The following CP variants were observed in gnomAD, a reference collection of about 807,000 sequenced individuals.
CP encodes ceruloplasmin.
CP carries 64 observed loss-of-function variants against 122.4 expected under a neutral mutation model. The observed-to-expected ratio is 0.52, with a 90% CI of 0.43 to 0.64. The LOEUF (loss-of-function observed/expected upper bound fraction) is 0.64, where lower values mean the gene tolerates loss of function less well. Among genes scored for constraint, CP ranks in the 30% least tolerant of loss-of-function variants. The pLI is 0.00. For missense variants in CP, 1,167 were observed against 1,284.4 expected, an observed-to-expected ratio of 0.91 and a Z score of 1.40; for synonymous variants, 440 against 436.4, an observed-to-expected ratio of 1.01 and a Z score of -0.10.
At chr3:149,201,313 T>G (rs374083994) in intron 7 of CP, among the ~76,000 whole-genome samples, 1 of 151,488 alleles carries the variant, frequency 6.6e-6, no homozygotes, top group East Asian at 2.0e-4. Flanking sequence ...TAGTAGAGAC[T>G]GGTTTCACCG....
At chr3:149,186,958 A>G (rs992801980) in intron 10 of CP, among the ~76,000 whole-genome samples, 2 of 152,198 alleles carry the variant, frequency 1.3e-5, no homozygotes, top group African/African-American at 2.4e-5. Flanking sequence ...TTCTTGTTCT[A>G]TGCTAGTGTC....
At chr3:149,175,537 T>A (rs1362430660) in intron 18 of CP, among the ~76,000 whole-genome samples, 2 of 152,160 alleles carry the variant, frequency 1.3e-5, no homozygotes. Flanking sequence ...TTTACATAAT[T>A]TCCTCCCTTT....
intron 18 of CP, among the ~76,000 whole-genome samples, chr3:149,175,761 C>T (rs1027533433): frequency 4.6e-5 from 7 of 151,442 alleles, no homozygotes; most frequent in Non-Finnish European, 1.0e-4. Context: ...TTCCCTGGAT[C>T]TTTCACAAAC....
At chr3:149,185,630 C>G (rs1726117328) in intron 11 of CP, among the ~76,000 whole-genome samples, 184 bp from the exon 12 acceptor site, 1 of 152,088 alleles carries the variant, frequency 6.6e-6, no homozygotes, top group Non-Finnish European at 1.5e-5. Flanking sequence ...TGTGTGCCTG[C>G]CTTGGGAACT....
At position 149,178,576 on chromosome 3, in the gene CP, T is replaced by C; in HGVS notation, c.2717A>G (p.Lys906Arg). ...PLIVCRRPYL[K>R]VFNPRRKLEF... Reference sequence around the variant, plus strand: ...CAGTTTCCTTCTGGGATTGAATACTTTCAAGTAAGGTCTTCGACAAACAAT... The same window carrying C: ...CAGTTTCCTTCTGGGATTGAATACTCTCAAGTAAGGTCTTCGACAAACAAT... The change falls in exon 16 of 19, where the codon AAA (lysine) becomes AGA (arginine). Residue 906 changes from lysine (K) to arginine (R), a missense_variant. By Grantham distance (26) the Lys-to-Arg change is conservative. Transcript: ENST00000264613. The C allele has an allele frequency of 6.2e-7, 1 of 1,613,678 alleles. No individual in the cohort carries two copies. Among genetic ancestry groups the C allele is most frequent in the Non-Finnish European group, 8.5e-7 (1 of 1,179,712 alleles).
At chr3:149,210,851 C>T (rs1031996863) in intron 2 of CP, among the ~76,000 whole-genome samples, 7 of 152,158 alleles carry the variant, frequency 4.6e-5, no homozygotes, top group South Asian at 2.1e-4. Flanking sequence ...TAACAATGAT[C>T]GACTCAAGGC....
intron 18 of CP, among the ~76,000 whole-genome samples, chr3:149,175,691 A>G (rs2108208982): frequency 1.2e-5 from 1 of 80,916 alleles, no homozygotes; most frequent in South Asian, 3.7e-4. Flanking sequence ...GTGTGTGTGT[A>G]CCTACACATG....
chr3:149,206,415 G>A (rs1727731196), intron 5 of CP, 76 bp from the exon 6 acceptor site: 18 of 1,525,566 alleles, frequency 1.2e-5, no homozygotes, highest in Middle Eastern at 1.7e-4. Context: ...AACACTGCTC[G>A]GGTGATGACA....
chr3:149,163,822 GA>G lies in CP; in HGVS notation c.*14-948del. 7.6e-7 allele frequency: 1 copy of G among 1,317,936 alleles called. No homozygotes were observed. The highest frequency in any genetic ancestry group is 1.1e-6 in the Non-Finnish European group (1 of 910,576). The allele number at this position is 1,317,936 out of a possible 1,614,324, so 81.6% of individuals were successfully genotyped here. A position where few individuals can be genotyped will look rare whatever the true frequency, so the allele number is the denominator to read the frequency against. On this transcript the variant is annotated intron_variant, in intron 5 of 5. Transcript: ENST00000479771. ...TTTTGTTGTTATATTTTGTTTATGAGAAATTCTTTTATGTTTTAGATAAATG... is the reference window on the plus strand; with the variant it reads ...TTTTGTTGTTATATTTTGTTTATGAGAATTCTTTTATGTTTTAGATAAATG...
intron 2 of CP, 114 bp downstream of exon 2, chr3:149,212,337 G>T (rs1414453122): frequency 2.5e-5 from 27 of 1,084,312 alleles, no homozygotes; most frequent in Non-Finnish European, 3.3e-5. Context: ...AAATAGTTAA[G>T]AGCTGAATGG....
At chr3:149,203,658 A>G (rs758251432) in intron 6 of CP, among the ~76,000 whole-genome samples, 1 of 152,210 alleles carries the variant, frequency 6.6e-6, no homozygotes, top group Non-Finnish European at 1.5e-5. Flanking sequence ...AAATTTCAGA[A>G]AGGTAATTAT....
intron 5 of CP, among the ~76,000 whole-genome samples, chr3:149,165,765 C>T (rs1178632345): frequency 6.6e-6 from 1 of 152,162 alleles, no homozygotes; most frequent in African/African-American, 2.4e-5. Flanking sequence ...CTACTGCCCC[C>T]ACTCCCTTCC....
At chr3:149,218,505 C>T (rs1386921827) in intron 1 of CP, among the ~76,000 whole-genome samples, 1 of 151,896 alleles carries the variant, frequency 6.6e-6, no homozygotes, top group East Asian at 1.9e-4. Flanking sequence ...TTTTTAGTCC[C>T]CCCCAAAACC....
At chr3:149,171,817 G>A (rs190701198), downstream of CP, among the ~76,000 whole-genome samples, 65 of 148,334 alleles carry the variant, frequency 4.4e-4, 1 homozygote, top group East Asian at 7.5e-3. Flanking sequence ...CAATTCTCCC[G>A]CCTCAGCCTC....
At chr3:149,218,502 T>TC (rs1054892546) in intron 1 of CP, among the ~76,000 whole-genome samples, 9 of 151,958 alleles carry the variant, frequency 5.9e-5, no homozygotes, top group Non-Finnish European at 1.2e-4. Flanking sequence ...ATTTTTTTAG[T>TC]CCCCCCCAAA....
At chr3:149,202,287 G>A in intron 6 of CP, 46 bp from the exon 7 acceptor site, 1 of 1,613,462 alleles carries the variant, frequency 6.2e-7, no homozygotes, top group Admixed American at 1.7e-5. Context: ...AAGTAGAACA[G>A]AAAGCAGGTA....
chr3:149,187,946 GA>G, intron 10 of CP, 105 bp downstream of exon 10: 2 of 1,243,416 alleles, frequency 1.6e-6, no homozygotes, highest in Non-Finnish European at 2.3e-6. Flanking sequence ...ATCGTTTATT[GA>G]AAAAATAATC....
At chr3:149,182,237 G>T (rs984178239) in intron 13 of CP, 104 bp from the exon 14 acceptor site, 4 of 1,315,742 alleles carry the variant, frequency 3.0e-6, no homozygotes, top group Non-Finnish European at 4.3e-6. Context: ...TGGGTTTGTG[G>T]TATAATACTC....
chr3:149,199,908 A>ATAT (rs750196443), intron 7 of CP, 44 bp from the exon 8 acceptor site: 9 of 1,583,548 alleles, frequency 5.7e-6, no homozygotes, highest in African/African-American at 2.7e-5. Context: ...GGTATGTAAC[A>ATAT]TGCAGAATGT....
Sources: gnomAD v4.1 joint callset for allele counts (sites outside exome capture counted in the v4.1 genomes callset) on GRCh38, gnomAD v4.1.1 for gene constraint, MANE v1.5 for transcripts, NCBI Gene and HGNC (gene_info 2026-07-23, HGNC 2026-07-21) for gene names.